The following CEP72 variants were observed in gnomAD, a reference collection of about 807,000 sequenced individuals.
The protein encoded by CEP72 is centrosomal protein 72, also known as centrosomal protein of 72 kDa.
In CEP72, 78 loss-of-function variants were observed where a neutral mutation model predicts 65.7. That is an observed-to-expected ratio of 1.19 (90% CI 0.99 to 1.43). CEP72 has a LOEUF of 1.43. CEP72 is among the 40% of genes most tolerant of loss of function. CEP72 has a pLI of 0.00. For synonymous variants in CEP72, 358 were observed against 351.7 expected (o/e 1.02, Z -0.20); for missense variants, 914 against 832.9 (o/e 1.10, Z -1.20).
chr5:647,098 C>T (rs1362540377), intron 10 of CEP72, among the ~76,000 whole-genome samples: 1 of 152,216 alleles, frequency 6.6e-6, no homozygotes, highest in African/African-American at 2.4e-5. Flanking sequence ...TGTGGATGCT[C>T]CTGCGGCACT....
downstream of CEP72, among the ~76,000 whole-genome samples, chr5:654,370 T>G (rs1697947): frequency 0.25 from 37,437 of 150,716 alleles, 4,589 homozygotes; most frequent in East Asian, 0.42. Flanking sequence ...GTGTGCTGTG[T>G]GTGCACGCGT....
At chr5:628,447 C>T (rs1012650327) in intron 4 of CEP72, among the ~76,000 whole-genome samples, 11 of 148,964 alleles carry the variant, frequency 7.4e-5, no homozygotes, top group African/African-American at 2.2e-4. Context: ...CAGGACCCAG[C>T]GCCCTTCTTT....
intron 7 of CEP72, 78 bp downstream of exon 7, chr5:637,896 G>A (rs548234032): frequency 6.4e-5 from 85 of 1,335,874 alleles, no homozygotes; most frequent in Admixed American, 1.9e-4. Context: ...TGGCGGGGCC[G>A]TGATTACGCC....
chr5:660,110 G>A (rs1345148030), downstream of CEP72: 1 of 152,154 alleles, frequency 6.6e-6, no homozygotes, highest in Non-Finnish European at 1.5e-5. Context: ...TTCAGAGTCA[G>A]AACAGCCATG....
chr5:637,940 G>A, intron 7 of CEP72, 122 bp downstream of exon 7: 1 of 969,524 alleles, frequency 1.0e-6, no homozygotes, highest in South Asian at 1.8e-5. Context: ...CTGATGCAGG[G>A]CTGTTACGGC....
intron 2 of CEP72, chr5:664,873 T>C: frequency 1.8e-6 from 1 of 562,948 alleles, no homozygotes; most frequent in Non-Finnish European, 3.2e-6. Flanking sequence ...GAGGCAGGTG[T>C]ATTAGGAGGG....
At chr5:648,909 GGTGACTGTGAGGTGTGACTGTGAGGT>G (rs752109650) in intron 11 of CEP72, among the ~76,000 whole-genome samples, 294 of 72,888 alleles carry the variant, frequency 4.0e-3, no homozygotes, top group African/African-American at 0.016. Flanking sequence ...GACTGTGAGG[GGTGACTGTGAGGTGTGACTGTGAGGT>G]GTGACTGTGA....
At position 642,303 on chromosome 5, in the gene CEP72, C is replaced by T. The variant is rs1020008801; in HGVS notation, c.1539+1699C>T. The T allele has an allele frequency of 1.6e-5, 16 of 983,932 alleles. 1 individual carries two copies. The highest frequency in any genetic ancestry group is 2.3e-4 in the East Asian group (2 of 8,814). 61.0% of individuals were successfully genotyped at this position (983,932 alleles called of 1,614,324 possible). On this transcript the variant is annotated intron_variant, in intron 9 of 11. Transcript: ENST00000264935. ...CTGGAAGCCTCTGTATTTAAACACA[C>T]ATGGCCCCTCATCTGGTGGAAGCCT...
At chr5:662,487 G>C (rs954056922) in intron 1 of CEP72, 1 of 152,458 alleles carries the variant, frequency 6.6e-6, no homozygotes, top group Non-Finnish European at 1.5e-5. Context: ...CCTGCCGTGC[G>C]GTGTGAGGAC....
At chr5:663,525 G>A (rs1739769434) in exon 2 of CEP72, 1 of 152,448 alleles carries the variant, frequency 6.6e-6, no homozygotes, top group Admixed American at 6.5e-5. Flanking sequence ...AGCCCTCAGC[G>A]GACCATGCTG....
In CEP72 at chr5:645,633, G is replaced by A. The variant is rs746343144; in HGVS notation, c.1666+1208G>A. ...TCTCGAGTGAGTGCAGGCACCAGCC[G>A]CCCTGCTGTGCGATGGCATCTGATC... On this transcript the variant is annotated intron_variant, in intron 10 of 11. Coordinates refer to ENST00000264935, the MANE Select transcript of CEP72 (RefSeq NM_018140.4). This position sits in a 1 kb window ranked among gnomAD's most constrained non-coding sequence, Gnocchi z 4.0. Among the ~76,000 whole-genome samples, 6 of 152,166 alleles carry A rather than the reference G, an allele frequency of 3.9e-5. No individual in the cohort carries two copies. Among genetic ancestry groups the A allele is most frequent in the Admixed American group, 6.5e-5 (1 of 15,286 alleles).
In CEP72 at chr5:635,413, T is replaced by C; in HGVS notation, c.733T>C (p.Cys245Arg). ...LLSPQLVQYQ[C>R]GDSGKQGRET... ...GAGCCCGCAGTTGGTACAGTACCAG[T>C]GTGGGGACTCTGGGAAGCAGGGCCG... is the stretch of plus-strand genomic sequence containing the variant. Residue 245 changes from cysteine to arginine, a missense_variant, in exon 6 of 12, where the codon TGT becomes CGT. Physicochemically the swap from Cys to Arg is radical, Grantham distance 180. Transcript: ENST00000264935. 1 of 1,613,846 alleles carries C rather than the reference T, an allele frequency of 6.2e-7. No homozygotes were observed. Among genetic ancestry groups the C allele is most frequent in the African/African-American group, 1.3e-5 (1 of 75,052 alleles).
At chr5:664,166 G>C (rs1739801171) in intron 2 of CEP72, 2 of 152,722 alleles carry the variant, frequency 1.3e-5, no homozygotes, top group Admixed American at 1.3e-4. Context: ...TGTGGCAATG[G>C]GAGGTCTGCG....
At chr5:668,512 G>A (rs1321874115), downstream of CEP72, among the ~76,000 whole-genome samples, 4 of 152,072 alleles carry the variant, frequency 2.6e-5, no homozygotes, top group South Asian at 2.1e-4. Context: ...AAACCACAGC[G>A]AGGCCCCTGC....
chr5:626,274 A>G (rs1736753085), intron 4 of CEP72, among the ~76,000 whole-genome samples: 1 of 151,516 alleles, frequency 6.6e-6, no homozygotes, highest in South Asian at 2.1e-4. Flanking sequence ...GATGTTGGGA[A>G]GTCTGGTGAG....
Position 642,345 on chromosome 5 carries a change from A to G in CEP72, c.1539+1741A>G, listed in dbSNP as rs552197550. 2.0e-4 allele frequency: 196 copies of G among 984,246 alleles called. No homozygotes were observed. In the African/African-American group the frequency reaches 2.8e-3, roughly 14 times the overall value. The allele number at this position is 984,246 out of a possible 1,614,324, so 61.0% of individuals were successfully genotyped here. A position where few individuals can be genotyped will look rare whatever the true frequency, so the allele number is the denominator to read the frequency against. Reference sequence around the variant, plus strand: ...TGGAAGCCTCTGGATTTAAGCACACATGGCCCCTTCTCTGGAAGCCTCTAT... The same window carrying G: ...TGGAAGCCTCTGGATTTAAGCACACGTGGCCCCTTCTCTGGAAGCCTCTAT... On this transcript the variant is annotated intron_variant, in intron 9 of 11. Transcript: ENST00000264935.
chr5:636,494 T>A (rs1482891555), intron 6 of CEP72, among the ~76,000 whole-genome samples: 1 of 152,230 alleles, frequency 6.6e-6, no homozygotes, highest in Non-Finnish European at 1.5e-5. Context: ...GCCACCTATG[T>A]GGCATAAGTA....
intron 9 of CEP72, among the ~76,000 whole-genome samples, chr5:643,902 A>C (rs961614616): frequency 6.6e-6 from 1 of 152,220 alleles, no homozygotes; most frequent in Admixed American, 6.5e-5. Context: ...GGTGCCTCAC[A>C]CTGGCACCAA....
rs182189945 is a variant in CEP72, at chr5:628,170, T to C, written c.512+3591T>C. Among the ~76,000 whole-genome samples the C allele has an allele frequency of 2.0e-5, 3 of 152,362 alleles. No individual in the cohort carries two copies. The East Asian group carries it at 5.8e-4, about 29-fold the overall frequency. The stretch of plus-strand genomic sequence containing the variant: ...CGTCTTTGTGGACATTCAGACTCAT[T>C]GTGTCCCGGCGTGAAAGCTTCAGTC... On this transcript the variant is annotated intron_variant, in intron 4 of 11. Transcript: ENST00000264935.
Sources: allele counts gnomAD v4.1 joint callset (sites outside exome capture counted in the v4.1 genomes callset), GRCh38; gene constraint gnomAD v4.1.1; non-coding constraint Gnocchi (gnomAD v3.1); transcripts MANE v1.5; gene names NCBI Gene and HGNC (gene_info 2026-07-23, HGNC 2026-07-21).